The following NUBPL variants were observed in gnomAD, a reference collection of about 807,000 sequenced individuals.
NUBPL encodes NUBP iron-sulfur cluster assembly factor, mitochondrial.
Under a neutral mutation model 45.7 loss-of-function variants are expected in NUBPL, and 31 were observed. The ratio of observed to expected loss-of-function variants is 0.68; its 90% CI spans 0.51 to 0.92. The LOEUF is 0.92. Ranked by LOEUF, NUBPL falls within the 40% of genes least tolerant of loss-of-function variation. The pLI is 0.00. For synonymous variants in NUBPL, 144 were observed against 140.9 expected (o/e 1.02, Z -0.15); for missense variants, 401 against 398.7 (o/e 1.01, Z -0.05).
chr14:31,670,068 A>G (rs2036536477), intron 4 of NUBPL, among the ~76,000 whole-genome samples: 1 of 152,128 alleles, frequency 6.6e-6, no homozygotes, highest in Non-Finnish European at 1.5e-5. Flanking sequence ...TGCTTTCCAG[A>G]ATGGTTGAGC....
intron 6 of NUBPL, among the ~76,000 whole-genome samples, chr14:31,674,692 T>G (rs977541699): frequency 6.6e-6 from 1 of 152,210 alleles, no homozygotes; most frequent in Non-Finnish European, 1.5e-5. Context: ...ATATTTTTGA[T>G]TTTTGAATTT....
intron 6 of NUBPL, among the ~76,000 whole-genome samples, chr14:31,701,639 G>A (rs557295028): frequency 4.8e-4 from 73 of 152,134 alleles, no homozygotes; most frequent in Non-Finnish European, 8.8e-4. Flanking sequence ...TGGAAGGAAT[G>A]AACAACTCCA....
intron 4 of NUBPL, among the ~76,000 whole-genome samples, chr14:31,657,806 C>T (rs1307327532): frequency 6.6e-6 from 1 of 152,058 alleles, no homozygotes; most frequent in East Asian, 1.9e-4. Flanking sequence ...AATTCCAGCT[C>T]TTGAATTCCT....
In NUBPL at chr14:31,599,333, A is replaced by G; in HGVS notation, c.336A>G (p.Ser112=). The G allele has an allele frequency of 2.5e-6, 4 of 1,613,088 alleles. No homozygotes were observed. The highest frequency in any genetic ancestry group is 3.4e-6 in the Non-Finnish European group (4 of 1,179,384). ...GLLDVDVYGP[S]VPKMMNLKGN... ...TAGATGTGGATGTGTATGGACCTTC[A>G]GTTCCAAAGATGATGAATCTGAAAG... Residue 112 remains serine, a synonymous_variant, in exon 4 of 11, where the codon TCA becomes TCG. Coordinates refer to ENST00000281081, the MANE Select transcript of NUBPL (RefSeq NM_025152.3).
At chr14:31,561,688 G>A in intron 1 of NUBPL, 141 bp downstream of exon 1, 1 of 581,460 alleles carries the variant, frequency 1.7e-6, no homozygotes, top group Non-Finnish European at 2.8e-6. Flanking sequence ...TACTTTTCAG[G>A]CAGGCCCAGG....
In NUBPL at chr14:31,592,911, A is replaced by C. The variant is rs191176807; in HGVS notation, c.292-6378A>C. ...TATATAGTAGTGAACAAAGCATGCA[A>C]AAATCCTTACCCTCATGGGATTTAC... On this transcript the variant is annotated intron_variant, in intron 3 of 10. Coordinates refer to ENST00000281081, the MANE Select transcript of NUBPL (RefSeq NM_025152.3). Among the ~76,000 whole-genome samples, 327 of 152,308 alleles carry C rather than the reference A, an allele frequency of 2.1e-3. 1 individual carries two copies. Among genetic ancestry groups the C allele is most frequent in the Middle Eastern group, 0.014 (4 of 294 alleles).
In NUBPL at chr14:31,671,819, A is replaced by T. The variant is rs140947913; in HGVS notation, c.383-1536A>T. ...TTCAATGAATGGAATATGGCAGAGGATTTCTTATATAATCCATGCATATAT... is the reference window on the plus strand; with the variant it reads ...TTCAATGAATGGAATATGGCAGAGGTTTTCTTATATAATCCATGCATATAT... On this transcript the variant is annotated intron_variant, in intron 4 of 10. Transcript: ENST00000281081. 3.9e-5 allele frequency among the ~76,000 whole-genome samples: 6 copies of T among 152,278 alleles called. No individual in the cohort carries two copies. The East Asian group carries it at 1.2e-3, about 29-fold the overall frequency.
intron 10 of NUBPL, among the ~76,000 whole-genome samples, chr14:31,857,440 C>G (rs1157020346): frequency 6.6e-6 from 1 of 152,198 alleles, no homozygotes; most frequent in Non-Finnish European, 1.5e-5. Flanking sequence ...ACATTCGGCT[C>G]CTAGTTACTT....
chr14:31,650,789 G>T (rs1038371014), intron 4 of NUBPL, among the ~76,000 whole-genome samples: 2 of 152,192 alleles, frequency 1.3e-5, no homozygotes, highest in African/African-American at 4.8e-5. Flanking sequence ...TTTGGCTCAT[G>T]ATTTTTCTGG....
At chr14:31,727,832 A>T (rs73255125) in intron 6 of NUBPL, among the ~76,000 whole-genome samples, 1 of 152,174 alleles carries the variant, frequency 6.6e-6, no homozygotes, top group Admixed American at 6.5e-5. Context: ...TTCTTGTCAC[A>T]TCACACTTTG....
intron 7 of NUBPL, among the ~76,000 whole-genome samples, chr14:31,821,624 C>T (rs1029696885): frequency 1.1e-4 from 16 of 152,260 alleles, no homozygotes; most frequent in South Asian, 4.1e-4. Context: ...AGAACAGTTT[C>T]GAGGTTCCTC....
intron 4 of NUBPL, among the ~76,000 whole-genome samples, chr14:31,648,425 C>T (rs1053686944): frequency 6.6e-6 from 1 of 152,188 alleles, no homozygotes; most frequent in Admixed American, 6.5e-5. Context: ...ACTGATAATC[C>T]ATATTCCTAC....
At chr14:31,815,778 A>G (rs148072486) in intron 7 of NUBPL, among the ~76,000 whole-genome samples, 47 of 142,892 alleles carry the variant, frequency 3.3e-4, no homozygotes, top group Non-Finnish European at 5.3e-4. Context: ...GCCTTTTTGC[A>G]TCTATTGAGA....
chr14:31,628,632 T>G (rs1477492301), intron 4 of NUBPL, among the ~76,000 whole-genome samples: 1 of 152,254 alleles, frequency 6.6e-6, no homozygotes, highest in Non-Finnish European at 1.5e-5. Context: ...GCCCTTTTTT[T>G]TCTGTTCATC....
At chr14:31,649,810 G>A (rs980827506) in intron 4 of NUBPL, among the ~76,000 whole-genome samples, 1 of 152,178 alleles carries the variant, frequency 6.6e-6, no homozygotes, top group Non-Finnish European at 1.5e-5. Context: ...TCTTCCATTA[G>A]ACTTTAACAC....
At chr14:31,812,461 C>T (rs552930428) in intron 7 of NUBPL, among the ~76,000 whole-genome samples, 2 of 152,332 alleles carry the variant, frequency 1.3e-5, no homozygotes, top group East Asian at 3.9e-4. Flanking sequence ...ATGTAATCTC[C>T]TGGTGTGTAG....
chr14:31,645,224 C>T (rs2035813508), intron 4 of NUBPL, among the ~76,000 whole-genome samples: 1 of 152,062 alleles, frequency 6.6e-6, no homozygotes, highest in Non-Finnish European at 1.5e-5. Context: ...CGCCACCACA[C>T]CCGGCTAATT....
At chr14:31,630,165 G>A (rs2035305262) in intron 4 of NUBPL, among the ~76,000 whole-genome samples, 1 of 152,002 alleles carries the variant, frequency 6.6e-6, no homozygotes, top group African/African-American at 2.4e-5. Context: ...CAAAAGACTT[G>A]TGAAAAGAGA....
At chr14:31,653,098 C>G (rs1480980481) in intron 4 of NUBPL, among the ~76,000 whole-genome samples, 1 of 152,080 alleles carries the variant, frequency 6.6e-6, no homozygotes, top group Non-Finnish European at 1.5e-5. Flanking sequence ...AAAAAGAGAA[C>G]AAAGATCACA....
Sources: allele counts gnomAD v4.1 joint callset (sites outside exome capture counted in the v4.1 genomes callset), GRCh38; gene constraint gnomAD v4.1.1; transcripts MANE v1.5; gene names NCBI Gene and HGNC (gene_info 2026-07-23, HGNC 2026-07-21).